RFTN1: variants seen among roughly 807,000 people sequenced by gnomAD.
RFTN1 encodes the protein raftlin, lipid raft linker 1.
RFTN1 carries 26 observed loss-of-function variants against 46.5 expected under a neutral mutation model. That is an observed-to-expected ratio of 0.56 (90% CI 0.41 to 0.78). The LOEUF (loss-of-function observed/expected upper bound fraction) is 0.78. Ranked by LOEUF, RFTN1 falls within the 30% of genes least tolerant of loss-of-function variation. RFTN1 has a pLI of 0.00. For synonymous variants in RFTN1, 261 were observed against 284.2 expected, an observed-to-expected ratio of 0.92 and a Z score of 0.82; for missense variants, 693 against 718.7, an observed-to-expected ratio of 0.96 and a Z score of 0.41.
chr3:16,364,415 C>T (rs751800594), intron 6 of RFTN1, among the ~76,000 whole-genome samples: 2 of 152,204 alleles, frequency 1.3e-5, no homozygotes, highest in Non-Finnish European at 2.9e-5. Context: ...AAAACCTACT[C>T]GTTTTCCACA....
rs2125481885 is a variant in RFTN1 at position 16,427,244 on chromosome 3, A to G, written c.332+6607T>C. Among the ~76,000 whole-genome samples the G allele has an allele frequency of 6.6e-6, 1 of 152,308 alleles. No individual in the cohort carries two copies. Among genetic ancestry groups the G allele is most frequent in the Admixed American group, 6.5e-5 (1 of 15,306 alleles). On this transcript the variant is annotated intron_variant, in intron 3 of 9. Transcript: ENST00000334133. This position sits in a 1 kb window ranked among gnomAD's most constrained non-coding sequence, Gnocchi z 5.4. The stretch of plus-strand genomic sequence containing the variant: ...AGACCTGGCAACACCTGATAACCAT[A>G]GGACAGAGCTAAGGCATTGACTCAC...
Position 16,376,436 on chromosome 3 carries a change from CAGA to C in RFTN1, c.826+1279_826+1281del, listed in dbSNP as rs756505032. Among the ~76,000 whole-genome samples the C allele has an allele frequency of 6.6e-6, 1 of 152,144 alleles. No homozygotes were observed. The highest frequency in any genetic ancestry group is 1.5e-5 in the Non-Finnish European group (1 of 68,014). ...CGCCCTCCCACAGTCCTGGACCGTA[CAGA>C]AGGACTCCAGTGAGGTCCATCTTCC... is the stretch of plus-strand genomic sequence containing the variant. On this transcript the variant is annotated intron_variant, in intron 5 of 9. Transcript: ENST00000334133. The surrounding 1 kb of genome is among the most constrained non-coding windows in gnomAD (Gnocchi z 4.7).
In RFTN1 at chr3:16,393,361, TTCAC is replaced by T. The variant is rs150409469; in HGVS notation, c.442-15263_442-15260del. On this transcript the variant is annotated intron_variant, in intron 4 of 9. Transcript: ENST00000334133. ...TTCACTGCCAAGAGTGGGACCAATATTCACTAACTACAGCATAAAACTCCAATGC... is the reference window on the plus strand; with the variant it reads ...TTCACTGCCAAGAGTGGGACCAATATTAACTACAGCATAAAACTCCAATGC... Among the ~76,000 whole-genome samples, 5 of 152,312 alleles carry T rather than the reference TTCAC, an allele frequency of 3.3e-5. No homozygotes were observed. The East Asian group carries it at 9.6e-4, about 29-fold the overall frequency.
chr3:16,389,946 A>T (rs771793412), intron 4 of RFTN1, among the ~76,000 whole-genome samples: 39 of 152,180 alleles, frequency 2.6e-4, no homozygotes, highest in Non-Finnish European at 4.9e-4. Flanking sequence ...TGCTCTTAGA[A>T]CCTAGCTGCC....
chr3:16,338,893 A>G lies in RFTN1; in HGVS notation c.1147-12017T>C, dbSNP rs921930448. Among the ~76,000 whole-genome samples, 1 of 152,220 alleles carries G rather than the reference A, an allele frequency of 6.6e-6. No homozygotes were observed. The highest frequency in any genetic ancestry group is 1.5e-5 in the Non-Finnish European group (1 of 68,024). On this transcript the variant is annotated intron_variant, in intron 7 of 9. Coordinates refer to ENST00000334133, the MANE Select transcript of RFTN1 (RefSeq NM_015150.2). This position sits in a 1 kb window ranked among gnomAD's most constrained non-coding sequence, Gnocchi z 5.3. The stretch of plus-strand genomic sequence containing the variant: ...CTGTCTGCAGGAATTCTAGAACCCA[A>G]AACTGTCAACGTTGTCCCCTCCACC...
chr3:16,370,093 T>A lies in RFTN1; in HGVS notation c.1013A>T (p.Tyr338Phe), dbSNP rs1393203535. 6.2e-7 allele frequency: 1 copy of A among 1,614,226 alleles called. No individual in the cohort carries two copies. The highest frequency in any genetic ancestry group is 1.1e-5 in the South Asian group (1 of 91,086). Residue 338 changes from tyrosine (Y) to phenylalanine (F), a missense_variant, in exon 6 of 10, where the codon TAC (tyrosine) becomes TTC (phenylalanine). Tyr to Phe is a conservative substitution (Grantham distance 22). Transcript: ENST00000334133. The surrounding 1 kb of genome is among the most constrained non-coding windows in gnomAD (Gnocchi z 5.5). ...AAACATACCATTCACTATTCCAAGG[T>A]AGAAGACTGCGTTCACCAGCATGCC... The part of the protein sequence containing the change: ...KGGMLVNAVF[Y>F]LGIVNDSLHG...
At chr3:16,511,255 T>C (rs1158673433) in intron 1 of RFTN1, among the ~76,000 whole-genome samples, 1 of 152,208 alleles carries the variant, frequency 6.6e-6, no homozygotes, top group East Asian at 1.9e-4. Flanking sequence ...CTTTCCATCT[T>C]TGCACATTTC....
chr3:16,388,284 T>C (rs2074255283), intron 4 of RFTN1, among the ~76,000 whole-genome samples: 1 of 152,194 alleles, frequency 6.6e-6, no homozygotes, highest in Admixed American at 6.5e-5. Context: ...AGGCAGTTTG[T>C]CTCTTTTGCC....
At position 16,509,207 on chromosome 3, in the gene RFTN1, CA is replaced by C. The variant is rs200436660; in HGVS notation, c.-9+4234del. ...CAAAATGAAAACAAACAAACAACAA[CA>C]AAAAAAAACTAAAGAAAATGATTGC... On this transcript the variant is annotated intron_variant, in intron 1 of 9. Coordinates refer to ENST00000334133, the MANE Select transcript of RFTN1 (RefSeq NM_015150.2). This position sits in a 1 kb window ranked among gnomAD's most constrained non-coding sequence, Gnocchi z 4.9. Among the ~76,000 whole-genome samples the C allele has an allele frequency of 2.7e-5, 4 of 150,874 alleles. No individual in the cohort carries two copies. The highest frequency in any genetic ancestry group is 1.9e-4 in the East Asian group (1 of 5,182).
intron 6 of RFTN1, among the ~76,000 whole-genome samples, chr3:16,360,236 A>G (rs2072745232): frequency 6.6e-6 from 1 of 152,058 alleles, no homozygotes; most frequent in African/African-American, 2.4e-5. Context: ...CCATGGCACA[A>G]TCACGGCTCA....
chr3:16,395,857 T>C (rs2074455417), intron 4 of RFTN1, among the ~76,000 whole-genome samples: 1 of 152,210 alleles, frequency 6.6e-6, no homozygotes, highest in African/African-American at 2.4e-5. Flanking sequence ...CCTCCCAAAA[T>C]GCTGGGATTA....
intron 2 of RFTN1, among the ~76,000 whole-genome samples, chr3:16,456,347 T>A (rs9824582): frequency 0.19 from 29,558 of 152,060 alleles, 3,271 homozygotes; most frequent in African/African-American, 0.28. Context: ...TGGTAGAAAG[T>A]ATACCCCTCT....
chr3:16,369,553 C>A (rs1249605923), intron 6 of RFTN1, among the ~76,000 whole-genome samples: 2 of 152,234 alleles, frequency 1.3e-5, no homozygotes, highest in Non-Finnish European at 2.9e-5. Flanking sequence ...ATGCAGCAAA[C>A]CACTAGAGAC....
intron 6 of RFTN1, among the ~76,000 whole-genome samples, chr3:16,360,423 G>T (rs2072756932): frequency 6.6e-6 from 1 of 152,182 alleles, no homozygotes; most frequent in Non-Finnish European, 1.5e-5. Flanking sequence ...TGGAATTACA[G>T]GCAAGAGCCA....
rs138875580 is a variant in RFTN1 at position 16,385,266 on chromosome 3, G to A, written c.442-7164C>T. On this transcript the variant is annotated intron_variant, in intron 4 of 9. Coordinates refer to ENST00000334133, the MANE Select transcript of RFTN1 (RefSeq NM_015150.2). The surrounding 1 kb of genome is among the most constrained non-coding windows in gnomAD (Gnocchi z 5.0). ...ACTCTTGTACAGCTTTCTGAAAAGG[G>A]AGGCTCAAAAATAACACGGGTTTGA... Among the ~76,000 whole-genome samples the A allele has an allele frequency of 8.5e-4, 129 of 152,298 alleles. 1 individual carries two copies. Among genetic ancestry groups the A allele is most frequent in the Non-Finnish European group, 1.6e-3 (110 of 68,030 alleles).
rs2124922914 is a variant in RFTN1, at chr3:16,458,286, A to G, written c.146-24249T>C. 6.6e-6 allele frequency among the ~76,000 whole-genome samples: 1 copy of G among 152,312 alleles called. No individual in the cohort carries two copies. The highest frequency in any genetic ancestry group is 2.1e-4 in the South Asian group (1 of 4,826). ...GTGTACAAAGCCAGCAGGGGCAAGC[A>G]TGGAAATAGATTGCTGCAGCATGTT... On this transcript the variant is annotated intron_variant, in intron 2 of 9. Coordinates refer to ENST00000334133, the MANE Select transcript of RFTN1 (RefSeq NM_015150.2). This position sits in a 1 kb window ranked among gnomAD's most constrained non-coding sequence, Gnocchi z 5.1.
rs2076337399 is a variant in RFTN1 at position 16,479,905 on chromosome 3, A to G, written c.145+13820T>C. Among the ~76,000 whole-genome samples, 1 of 152,204 alleles carries G rather than the reference A, an allele frequency of 6.6e-6. No homozygotes were observed. The highest frequency in any genetic ancestry group is 6.5e-5 in the Admixed American group (1 of 15,286). ...GGTAAATCATGGCAGATGCTTCTCCAAGATAACACACAGACTCTATTAGGG... is the reference window on the plus strand; with the variant it reads ...GGTAAATCATGGCAGATGCTTCTCCGAGATAACACACAGACTCTATTAGGG... On this transcript the variant is annotated intron_variant, in intron 2 of 9. Coordinates refer to ENST00000334133, the MANE Select transcript of RFTN1 (RefSeq NM_015150.2). This position sits in a 1 kb window ranked among gnomAD's most constrained non-coding sequence, Gnocchi z 5.1.
At position 16,421,767 on chromosome 3, in the gene RFTN1, T is replaced by C. The variant is rs1363348022; in HGVS notation, c.332+12084A>G. 1.3e-5 allele frequency among the ~76,000 whole-genome samples: 2 copies of C among 152,192 alleles called. No individual in the cohort carries two copies. The highest frequency in any genetic ancestry group is 4.8e-5 in the African/African-American group (2 of 41,440). On this transcript the variant is annotated intron_variant, in intron 3 of 9. Coordinates refer to ENST00000334133, the MANE Select transcript of RFTN1 (RefSeq NM_015150.2). This position sits in a 1 kb window ranked among gnomAD's most constrained non-coding sequence, Gnocchi z 4.6. ...GATTTTACATTTACATTACGGGTAT[T>C]CTCTTCAATCTGCAATCACTTCATA... is the stretch of plus-strand genomic sequence containing the variant.
intron 4 of RFTN1, among the ~76,000 whole-genome samples, chr3:16,396,923 C>T (rs958029465): frequency 2.6e-5 from 4 of 151,866 alleles, no homozygotes; most frequent in South Asian, 2.1e-4. Flanking sequence ...ATTAGCTGGG[C>T]GTGGTGGCAG....
Sources: gnomAD v4.1 joint callset for allele counts (sites outside exome capture counted in the v4.1 genomes callset) on GRCh38, gnomAD v4.1.1 for gene constraint, Gnocchi (gnomAD v3.1) non-coding constraint, MANE v1.5 for transcripts, NCBI Gene and HGNC (gene_info 2026-07-23, HGNC 2026-07-21) for gene names.